NLRC4: variants seen among roughly 807,000 people sequenced by gnomAD.
NLRC4 encodes NLR family CARD domain-containing protein 4.
Under a neutral mutation model 79.9 loss-of-function variants are expected in NLRC4, and 63 were observed. That is an observed-to-expected ratio of 0.79 (90% CI 0.64 to 0.97). The LOEUF is 0.97. NLRC4 is among the 50% of genes least tolerant of loss of function. The pLI is 0.00. For synonymous variants in NLRC4, 461 were observed against 456.5 expected (o/e 1.01, Z -0.12); for missense variants, 1,074 against 1,215.2 (o/e 0.88, Z 1.73).
intron 8 of NLRC4, among the ~76,000 whole-genome samples, chr2:32,226,391 G>A (rs534640693): frequency 3.3e-5 from 5 of 152,274 alleles, no homozygotes; most frequent in East Asian, 1.9e-4. Flanking sequence ...CTTGAGTTTC[G>A]AAAGGTCTTC....
chr2:32,255,253 G>A (rs1021504574), intron 2 of NLRC4, among the ~76,000 whole-genome samples: 1 of 152,110 alleles, frequency 6.6e-6, no homozygotes, highest in South Asian at 2.1e-4. Flanking sequence ...GGGCGCAGTG[G>A]CTCACACCTG....
intron 4 of NLRC4, among the ~76,000 whole-genome samples, chr2:32,245,456 G>A (rs377011277): frequency 6.6e-6 from 1 of 152,168 alleles, no homozygotes; most frequent in East Asian, 1.9e-4. Flanking sequence ...AGAGTAGAAG[G>A]ATGGTTACCA....
At chr2:32,241,263 T>A in intron 4 of NLRC4, 138 bp from the exon 5 acceptor site, 2 of 569,362 alleles carry the variant, frequency 3.5e-6, no homozygotes, top group Middle Eastern at 4.5e-4. Flanking sequence ...GAAATAGACA[T>A]AAAAATATAC....
At chr2:32,257,528 G>T (rs1229191475) in intron 1 of NLRC4, among the ~76,000 whole-genome samples, 1 of 151,662 alleles carries the variant, frequency 6.6e-6, no homozygotes, top group Non-Finnish European at 1.5e-5. Flanking sequence ...AGTCACTTGA[G>T]CCCGGGAGAC....
At position 32,250,544 on chromosome 2, in the gene NLRC4, T is replaced by C. The variant is rs190975567; in HGVS notation, c.1320A>G (p.Lys440=). The C allele has an allele frequency of 7.4e-6, 12 of 1,614,194 alleles. No individual in the cohort carries two copies. The East Asian group carries it at 2.7e-4, about 36-fold the overall frequency. ...ACTCCTGGAATGACTTGTGAAAGAA[T>C]TTATACTTTGGCTTGAACCTTTGAG... is the stretch of plus-strand genomic sequence containing the variant. ...YTAQRFKPKY[K]FFHKSFQEYT... Residue 440 remains lysine (K), a synonymous_variant, in exon 4 of 9, where the codon AAA becomes AAG. Coordinates refer to ENST00000402280, the MANE Select transcript of NLRC4 (RefSeq NM_001199138.2). The surrounding 1 kb of genome is among the most constrained non-coding windows in gnomAD (Gnocchi z 4.9).
At chr2:32,254,763 C>A (rs1482691741) in intron 2 of NLRC4, among the ~76,000 whole-genome samples, 1 of 151,714 alleles carries the variant, frequency 6.6e-6, no homozygotes, top group East Asian at 1.9e-4. Flanking sequence ...GGATTACAGG[C>A]ATGCGCCACC....
At chr2:32,257,986 G>A (rs1687247887) in intron 1 of NLRC4, among the ~76,000 whole-genome samples, 1 of 152,160 alleles carries the variant, frequency 6.6e-6, no homozygotes, top group Non-Finnish European at 1.5e-5. Flanking sequence ...TTATTGCAAG[G>A]ACAGAGGGCT....
chr2:32,228,753 A>T (rs760071964), intron 8 of NLRC4, among the ~76,000 whole-genome samples: 3 of 151,812 alleles, frequency 2.0e-5, no homozygotes, highest in Non-Finnish European at 4.4e-5. Flanking sequence ...GAACATGAAT[A>T]GGGTCTGCGA....
intron 8 of NLRC4, among the ~76,000 whole-genome samples, chr2:32,233,349 A>ATATATATAT (rs1418146489): frequency 4.8e-3 from 199 of 41,098 alleles, no homozygotes; most frequent in Non-Finnish European, 7.1e-3. Context: ...ATATATATAT[A>ATATATATAT]TTTTTTTTTT....
intron 4 of NLRC4, among the ~76,000 whole-genome samples, 154 bp from the exon 5 acceptor site, chr2:32,241,279 A>G (rs903540633): frequency 6.6e-6 from 1 of 151,982 alleles, no homozygotes; most frequent in African/African-American, 2.4e-5. Flanking sequence ...TATACTTTTT[A>G]TAAGAGATGG....
intron 1 of NLRC4, among the ~76,000 whole-genome samples, chr2:32,263,839 G>T (rs933020601): frequency 6.6e-6 from 1 of 152,144 alleles, no homozygotes; most frequent in African/African-American, 2.4e-5. Flanking sequence ...CAGTTAAGAA[G>T]TGTGCTGACC....
At chr2:32,260,249 A>C (rs202217583) in intron 1 of NLRC4, among the ~76,000 whole-genome samples, 39 of 151,850 alleles carry the variant, frequency 2.6e-4, no homozygotes, top group Admixed American at 9.8e-4. Flanking sequence ...AAAAAAAAAA[A>C]ACTAGAGTTT....
chr2:32,255,708 A>C (rs1687192677), intron 2 of NLRC4, among the ~76,000 whole-genome samples: 1 of 151,686 alleles, frequency 6.6e-6, no homozygotes. Flanking sequence ...TCTCATACCC[A>C]AAAATGTCTT....
At chr2:32,244,659 C>T (rs212727) in intron 4 of NLRC4, among the ~76,000 whole-genome samples, 92,740 of 151,914 alleles carry the variant, frequency 0.61, 28,525 homozygotes, top group Admixed American at 0.64. Context: ...TACAACACCC[C>T]CTTCTGCAAA....
At chr2:32,240,991 A>G (rs1205476082) in intron 5 of NLRC4, 42 bp downstream of exon 5, 9 of 1,272,960 alleles carry the variant, frequency 7.1e-6, no homozygotes, top group Non-Finnish European at 9.1e-6. Context: ...TCCTCTTATT[A>G]TCAAACTTAC....
intron 4 of NLRC4, among the ~76,000 whole-genome samples, chr2:32,242,145 T>C (rs147807417): frequency 1.8e-4 from 28 of 152,242 alleles, no homozygotes; most frequent in African/African-American, 6.7e-4. Context: ...AGTGCTAGGA[T>C]TACAGGCGTG....
chr2:32,253,719 C>T (rs1388252185), intron 2 of NLRC4, among the ~76,000 whole-genome samples: 4 of 151,870 alleles, frequency 2.6e-5, no homozygotes, highest in South Asian at 4.2e-4. Context: ...AACCCCAGCA[C>T]TTTGGGAGGC....
intron 8 of NLRC4, among the ~76,000 whole-genome samples, chr2:32,230,217 T>C (rs745681171): frequency 6.6e-6 from 1 of 152,164 alleles, no homozygotes; most frequent in African/African-American, 2.4e-5. Flanking sequence ...CTCTGTGAAA[T>C]AGGAGACGCT....
intron 7 of NLRC4, among the ~76,000 whole-genome samples, chr2:32,235,916 ATATCAC>A (rs1686662590): frequency 1.3e-5 from 2 of 152,198 alleles, no homozygotes; most frequent in Non-Finnish European, 2.9e-5. Context: ...CCATAATCAC[ATATCAC>A]TATCACACCT....
Sources: gnomAD v4.1 joint callset for allele counts (sites outside exome capture counted in the v4.1 genomes callset) on GRCh38, gnomAD v4.1.1 for gene constraint, Gnocchi (gnomAD v3.1) non-coding constraint, MANE v1.5 for transcripts, NCBI Gene and HGNC (gene_info 2026-07-23, HGNC 2026-07-21) for gene names.